Variants in ZPLD1 observed in about 807,000 individuals in gnomAD.
ZPLD1 encodes zona pellucida like domain containing 1.
In ZPLD1, 34 loss-of-function variants were observed where a neutral mutation model predicts 47.2. The observed-to-expected ratio is 0.72, with a 90% CI of 0.55 to 0.96. The LOEUF (loss-of-function observed/expected upper bound fraction) is 0.96. ZPLD1 is among the 40% of genes least tolerant of loss of function. The probability of loss-of-function intolerance (pLI) is 0.00; values close to 1 mark genes in which losing one functional copy is unlikely to be tolerated. For missense variants in ZPLD1, 512 were observed against 505.8 expected (o/e 1.01, Z -0.12); for synonymous variants, 176 against 186.2 (o/e 0.95, Z 0.45).
intron 6 of ZPLD1, among the ~76,000 whole-genome samples, chr3:102,386,909 G>A (rs563891960): frequency 1.3e-5 from 2 of 152,222 alleles, no homozygotes; most frequent in South Asian, 4.1e-4. Context: ...CCTTTTGGCT[G>A]TCCCAGTTGT....
intron 6 of ZPLD1, among the ~76,000 whole-genome samples, chr3:102,459,756 C>T (rs1473702771): frequency 3.9e-5 from 6 of 152,044 alleles, no homozygotes; most frequent in Non-Finnish European, 5.9e-5. Flanking sequence ...CACATATACC[C>T]CCTCCCCTTG....
chr3:102,416,225 C>T (rs1234885939), intron 7 of ZPLD1, among the ~76,000 whole-genome samples: 3 of 151,874 alleles, frequency 2.0e-5, no homozygotes, highest in African/African-American at 7.2e-5. Context: ...ATGTCAGCTA[C>T]TTTATCTCAA....
intron 7 of ZPLD1, among the ~76,000 whole-genome samples, chr3:102,395,800 A>G (rs1393740867): frequency 6.6e-6 from 1 of 152,126 alleles, no homozygotes; most frequent in African/African-American, 2.4e-5. Flanking sequence ...AAACACAACC[A>G]TTTCTTCTAT....
chr3:102,457,853 C>T lies in ZPLD1; in HGVS notation c.582C>T (p.Asn194=), dbSNP rs140908535. The part of the protein sequence containing the change: ...FVSTLNLLLY[N]DSTYNQQLII... Reference sequence around the variant, plus strand: ...GCACTTTGAACCTGCTCCTTTATAACGTAAGTTGATGGGTGAAGGATGTTA... The same window carrying T: ...GCACTTTGAACCTGCTCCTTTATAATGTAAGTTGATGGGTGAAGGATGTTA... Residue 194 remains asparagine, a splice_region_variant and synonymous_variant, in exon 6 of 12, where the codon AAC becomes AAT. Coordinates refer to ENST00000466937, the MANE Select transcript of ZPLD1 (RefSeq NM_001329788.2). 44 of 1,613,694 alleles carry T rather than the reference C, an allele frequency of 2.7e-5. No homozygotes were observed. The African/African-American group carries it at 3.9e-4, about 14-fold the overall frequency.
intron 6 of ZPLD1, among the ~76,000 whole-genome samples, chr3:102,389,088 G>A (rs1007130878): frequency 6.6e-6 from 1 of 152,098 alleles, no homozygotes; most frequent in African/African-American, 2.4e-5. Context: ...TCACTTCAAG[G>A]ATGTGGATAA....
intron 6 of ZPLD1, among the ~76,000 whole-genome samples, chr3:102,458,846 T>G (rs62272490): frequency 0.13 from 20,243 of 152,030 alleles, 1,401 homozygotes; most frequent in Middle Eastern, 0.18. Flanking sequence ...TCCCAGCACT[T>G]TGGGAGGCCG....
intron 3 of ZPLD1, among the ~76,000 whole-genome samples, chr3:102,446,557 T>G (rs1014716835): frequency 1.3e-5 from 2 of 152,148 alleles, no homozygotes; most frequent in Non-Finnish European, 2.9e-5. Context: ...TCTCAAAGAC[T>G]GAGCTTATCA....
intron 3 of ZPLD1, among the ~76,000 whole-genome samples, chr3:102,443,910 T>C (rs1226706614): frequency 1.3e-5 from 2 of 152,202 alleles, no homozygotes; most frequent in Non-Finnish European, 2.9e-5. Flanking sequence ...GGTCTCCAAG[T>C]TGTCAAGAGG....
chr3:102,413,918 G>A (rs1439451696), intron 7 of ZPLD1, among the ~76,000 whole-genome samples: 1 of 150,178 alleles, frequency 6.7e-6, no homozygotes, highest in Non-Finnish European at 1.5e-5. Context: ...CTTTTTTTTT[G>A]TAAAAAAAAT....
chr3:102,468,286 A>C (rs1707628842), intron 8 of ZPLD1, among the ~76,000 whole-genome samples: 1 of 152,158 alleles, frequency 6.6e-6, no homozygotes, highest in African/African-American at 2.4e-5. Context: ...GATTATATGG[A>C]TGTATTCTGT....
At chr3:102,442,834 T>C (rs1707202247) in intron 3 of ZPLD1, among the ~76,000 whole-genome samples, 1 of 151,910 alleles carries the variant, frequency 6.6e-6, no homozygotes, top group Non-Finnish European at 1.5e-5. Context: ...GTCTAATTCA[T>C]TTAAATTTAA....
intron 7 of ZPLD1, among the ~76,000 whole-genome samples, chr3:102,406,966 C>G (rs1046737227): frequency 1.3e-5 from 2 of 151,770 alleles, no homozygotes; most frequent in African/African-American, 4.8e-5. Flanking sequence ...TGAAAGTTAT[C>G]ATTTTTGAAG....
intron 9 of ZPLD1, among the ~76,000 whole-genome samples, chr3:102,469,535 C>T (rs1219146695): frequency 6.6e-6 from 1 of 152,132 alleles, no homozygotes; most frequent in Admixed American, 6.5e-5. Context: ...GCTGTTACTT[C>T]GAAGAGGACT....
intron 8 of ZPLD1, among the ~76,000 whole-genome samples, chr3:102,428,785 A>T (rs776013629): frequency 6.6e-6 from 1 of 151,410 alleles, no homozygotes; most frequent in Non-Finnish European, 1.5e-5. Flanking sequence ...CCTTGGTAGC[A>T]TTTCAGTTTT....
At position 102,397,542 on chromosome 3, in the gene ZPLD1, C is replaced by G. The variant is rs550000674; in HGVS notation, c.-157+5317C>G. 3.3e-5 allele frequency among the ~76,000 whole-genome samples: 5 copies of G among 152,132 alleles called. No individual in the cohort carries two copies. The South Asian group carries it at 1.0e-3, about 32-fold the overall frequency. On this transcript the variant is annotated intron_variant, in intron 7 of 17. Coordinates refer to the ZPLD1 transcript ENST00000491959. ...TATAAATTGGAAGTGAGTAGGAGAA[C>G]TCTGATGAAGCATTTTAAAAATTAA...
In ZPLD1 at chr3:102,477,904, T is replaced by A; in HGVS notation, c.*286T>A. The A allele has an allele frequency of 4.2e-6, 1 of 235,354 alleles. No homozygotes were observed. Among genetic ancestry groups the A allele is most frequent in the East Asian group, 8.4e-5 (1 of 11,910 alleles). 14.6% of individuals were successfully genotyped at this position (235,354 alleles called of 1,614,324 possible). On this transcript the variant is annotated 3_prime_UTR_variant, in exon 12 of 12. Transcript: ENST00000466937. ...TTACAGGATCAGTAATATTTCATTT[T>A]ATTTCAGTTTTCTTTTGATTGTTGG...
In ZPLD1 at chr3:102,462,287, A is replaced by G. The variant is rs12054046; in HGVS notation, c.589A>G (p.Thr197Ala). 229,854 of 1,600,928 alleles carry G rather than the reference A, an allele frequency of 0.14. 17,492 individuals are homozygous for G. The highest frequency in any genetic ancestry group is 0.19 in the Middle Eastern group (1,153 of 5,944). The change falls in exon 7 of 12, where the codon ACC becomes GCC. Residue 197 changes from threonine (T) to alanine (A), a missense_variant. Physicochemically the swap from Thr to Ala is moderately conservative, Grantham distance 58 (BLOSUM62 0). Transcript: ENST00000466937. ...TLNLLLYNDS[T>A]YNQQLIIPSI... ...TTTATTGTTTCATCATTAGGATTCA[A>G]CCTACAACCAGCAGTTAATTATCCC...
Position 102,477,020 on chromosome 3 carries a change from C to A in ZPLD1, c.1051C>A (p.Pro351Thr). Residue 351 changes from proline (P) to threonine (T), a missense_variant, in exon 11 of 12, where the codon CCA becomes ACA. By Grantham distance (38) the Pro-to-Thr change is conservative. Transcript: ENST00000466937. ...CTGTTTTTTCCCCTCAGATGAGACTCCAACCAACAATTCGCAACTTGGTAA... is the reference window on the plus strand; with the variant it reads ...CTGTTTTTTCCCCTCAGATGAGACTACAACCAACAATTCGCAACTTGGTAA... ...GPIITRSDETPTNNSQLGSPS... is the reference protein window; with the variant it reads ...GPIITRSDETTTNNSQLGSPS... The A allele has an allele frequency of 1.2e-6, 2 of 1,613,612 alleles. No individual in the cohort carries two copies. The highest frequency in any genetic ancestry group is 1.7e-6 in the Non-Finnish European group (2 of 1,179,658).
At chr3:102,390,934 A>G (rs1706488077) in intron 6 of ZPLD1, among the ~76,000 whole-genome samples, 1 of 152,120 alleles carries the variant, frequency 6.6e-6, no homozygotes, top group African/African-American at 2.4e-5. Flanking sequence ...CTAGGCTCCC[A>G]AGAAAAAAAA....
Sources: gnomAD v4.1 joint callset for allele counts (sites outside exome capture counted in the v4.1 genomes callset) on GRCh38, gnomAD v4.1.1 for gene constraint, MANE v1.5 for transcripts, NCBI Gene and HGNC (gene_info 2026-07-23, HGNC 2026-07-21) for gene names.